The following LMBRD2 variants were observed in gnomAD, a reference collection of about 807,000 sequenced individuals.
LMBRD2 encodes the protein LMBR1 domain containing 2.
LMBRD2 carries 55 observed loss-of-function variants against 94.4 expected under a neutral mutation model. That is an observed-to-expected ratio of 0.58 (90% CI 0.47 to 0.73). LMBRD2 has a LOEUF of 0.73. Ranked by LOEUF, LMBRD2 falls within the 30% of genes least tolerant of loss-of-function variation. LMBRD2 has a pLI of 0.00. For missense variants in LMBRD2, 640 were observed against 831.9 expected, an observed-to-expected ratio of 0.77 and a Z score of 2.84; for synonymous variants, 246 against 272.4, an observed-to-expected ratio of 0.90 and a Z score of 0.95.
intron 4 of LMBRD2, among the ~76,000 whole-genome samples, chr5:36,140,006 G>T (rs548058250): frequency 9.2e-5 from 14 of 152,354 alleles, no homozygotes; most frequent in African/African-American, 3.1e-4. Flanking sequence ...TGTTGCAGGT[G>T]ACGAGAAGAG....
chr5:36,138,578 C>A lies in LMBRD2; in HGVS notation c.369-1137G>T, dbSNP rs145292501. Among the ~76,000 whole-genome samples the A allele has an allele frequency of 2.3e-3, 356 of 152,226 alleles. 3 individuals carry two copies. The highest frequency in any genetic ancestry group is 8.1e-3 in the African/African-American group (338 of 41,552). On this transcript the variant is annotated intron_variant, in intron 4 of 17. Coordinates refer to ENST00000296603, the MANE Select transcript of LMBRD2 (RefSeq NM_001007527.2). Reference sequence around the variant, plus strand: ...GGATGACTACACAGGGAAGCGTGAGCGAGGCTTCTGGGGGCATTGCTAATG... The same window carrying A: ...GGATGACTACACAGGGAAGCGTGAGAGAGGCTTCTGGGGGCATTGCTAATG...
rs767799620 is a variant in LMBRD2 at position 36,115,053 on chromosome 5, T to C, written c.1504A>G (p.Ile502Val). Residue 502 changes from isoleucine to valine, a missense_variant, in exon 12 of 18, where the codon ATC becomes GTC. This residue lies in a region of LMBRD2 where 457 missense variants were observed against 642.8 expected (regional missense o/e 0.71). Transcript: ENST00000296603. ...FLGLTHMDSS[I>V]SHKNTQPTAY... is the part of the protein sequence containing the mutation. ...GTTGGTTGAGTATTCTTGTGAGAGA[T>C]AGATGAATCCATATGGGTCAAACCC... 2.0e-5 allele frequency: 33 copies of C among 1,611,744 alleles called. No individual in the cohort carries two copies. Among genetic ancestry groups the C allele is most frequent in the East Asian group, 4.5e-5 (2 of 44,740 alleles).
intron 6 of LMBRD2, among the ~76,000 whole-genome samples, chr5:36,127,900 A>C (rs1196668298): frequency 6.6e-6 from 1 of 152,172 alleles, no homozygotes; most frequent in Non-Finnish European, 1.5e-5. Flanking sequence ...CAGGGCCTTG[A>C]GCAAACATAG....
intron 1 of LMBRD2, among the ~76,000 whole-genome samples, chr5:36,148,853 G>A (rs1370634928): frequency 6.6e-6 from 1 of 152,130 alleles, no homozygotes; most frequent in Non-Finnish European, 1.5e-5. Context: ...ATTTTGTTCA[G>A]TCTTCACAGG....
chr5:36,149,592 G>A (rs781149363), intron 1 of LMBRD2, among the ~76,000 whole-genome samples: 9 of 152,204 alleles, frequency 5.9e-5, no homozygotes, highest in Non-Finnish European at 8.8e-5. Flanking sequence ...AAAGAAGGGT[G>A]GACCGTCTTC....
intron 16 of LMBRD2, among the ~76,000 whole-genome samples, chr5:36,107,750 A>T (rs188383356): frequency 6.6e-6 from 1 of 152,274 alleles, no homozygotes; most frequent in African/African-American, 2.4e-5. Context: ...AGTCTTCTCC[A>T]TGTTTCTATT....
intron 6 of LMBRD2, among the ~76,000 whole-genome samples, chr5:36,128,997 T>C (rs975410786): frequency 1.3e-4 from 20 of 152,288 alleles, no homozygotes; most frequent in Non-Finnish European, 4.4e-5. Flanking sequence ...GAAATGATCA[T>C]GCAGAAGAAA....
In LMBRD2 at chr5:36,100,866, A is replaced by T. The variant is rs542797151; in HGVS notation, c.*3180T>A. 4.6e-5 allele frequency: 7 copies of T among 152,180 alleles called. No individual in the cohort carries two copies. The South Asian group carries it at 1.4e-3, about 32-fold the overall frequency. The allele number at this position is 152,180 out of a possible 1,614,324, so 9.4% of individuals were successfully genotyped here. Reference sequence around the variant, plus strand: ...AGAATGAGGTTTGTAACTGAATGTAAATTAAATTGCTCCATTAATATGCTA... The same window carrying T: ...AGAATGAGGTTTGTAACTGAATGTATATTAAATTGCTCCATTAATATGCTA... On this transcript the variant is annotated 3_prime_UTR_variant, in exon 18 of 18. Coordinates refer to ENST00000296603, the MANE Select transcript of LMBRD2 (RefSeq NM_001007527.2).
chr5:36,117,732 G>T lies in LMBRD2; in HGVS notation c.1302+3C>A. Reference sequence around the variant, plus strand: ...ATTTATGACAGACATAAAATAAACTGACCTCGATATAAATATAATTATATG... The same window carrying T: ...ATTTATGACAGACATAAAATAAACTTACCTCGATATAAATATAATTATATG... On this transcript the variant is annotated splice_donor_region_variant and intron_variant, in intron 10 of 17. Transcript: ENST00000296603. 6.3e-7 allele frequency: 1 copy of T among 1,586,910 alleles called. No homozygotes were observed. Among genetic ancestry groups the T allele is most frequent in the South Asian group, 1.1e-5 (1 of 87,550 alleles).
At chr5:36,135,633 C>G (rs975119051) in intron 6 of LMBRD2, among the ~76,000 whole-genome samples, 1 of 152,126 alleles carries the variant, frequency 6.6e-6, no homozygotes, top group African/African-American at 2.4e-5. Flanking sequence ...AGAGTATCAT[C>G]AGCTGAGTAG....
intron 13 of LMBRD2, among the ~76,000 whole-genome samples, chr5:36,113,804 A>G (rs962367465): frequency 2.6e-5 from 4 of 152,308 alleles, no homozygotes; most frequent in African/African-American, 9.6e-5. Flanking sequence ...TGTAAAAAGA[A>G]GGAAAGACAG....
At chr5:36,139,290 T>C (rs1744346356) in intron 4 of LMBRD2, among the ~76,000 whole-genome samples, 1 of 152,190 alleles carries the variant, frequency 6.6e-6, no homozygotes, top group Admixed American at 6.5e-5. Flanking sequence ...CTCAGCCCAC[T>C]CTGGACTTTG....
intron 14 of LMBRD2, 26 bp downstream of exon 14, chr5:36,111,129 C>T: frequency 1.5e-6 from 2 of 1,371,424 alleles, no homozygotes; most frequent in Non-Finnish European, 2.1e-6. Context: ...ATTTTCCCTT[C>T]ATTTATTTTA....
rs775801702 is a variant in LMBRD2 at position 36,141,125 on chromosome 5, G to A, written c.350C>T (p.Thr117Met). Residue 117 changes from threonine (T) to methionine (M), a missense_variant, in exon 4 of 18, where the codon ACG becomes ATG. Around this residue, in one of 2 missense-constraint regions of LMBRD2, gnomAD observed 457 missense variants for 642.8 expected, o/e 0.71. Coordinates refer to ENST00000296603, the MANE Select transcript of LMBRD2 (RefSeq NM_001007527.2). ...MPIFWRVVYW[T>M]SQFLTWILLP... is the part of the protein sequence containing the mutation. ...AACTTACCATGTTAAAAATTGTGAC[G>A]TCCAATACACTACCCTCCAGAAAAT... is the stretch of plus-strand genomic sequence containing the variant. 17 of 1,598,620 alleles carry A rather than the reference G, an allele frequency of 1.1e-5. No homozygotes were observed. The East Asian group carries it at 1.1e-4, about 11-fold the overall frequency.
At chr5:36,149,716 G>A (rs1744643351) in intron 1 of LMBRD2, among the ~76,000 whole-genome samples, 1 of 152,208 alleles carries the variant, frequency 6.6e-6, no homozygotes, top group Non-Finnish European at 1.5e-5. Context: ...AGACCAGCCT[G>A]ACCAACATGC....
At position 36,151,298 on chromosome 5, in the gene LMBRD2, T is replaced by C. The variant is rs1744703061; in HGVS notation, c.-58+258A>G. Among the ~76,000 whole-genome samples, 1 of 152,212 alleles carries C rather than the reference T, an allele frequency of 6.6e-6. No homozygotes were observed. Among genetic ancestry groups the C allele is most frequent in the African/African-American group, 2.4e-5 (1 of 41,466 alleles). On this transcript the variant is annotated intron_variant, in intron 1 of 17. Transcript: ENST00000296603. The surrounding 1 kb of genome is among the most constrained non-coding windows in gnomAD (Gnocchi z 4.7). ...CTTTCATTTATTCCCATGTTGCTAT[T>C]TATGAGACCTGTCAAGGCTGCAAGG... is the stretch of plus-strand genomic sequence containing the variant.
At chr5:36,128,135 A>G (rs1053414625) in intron 6 of LMBRD2, among the ~76,000 whole-genome samples, 2 of 152,200 alleles carry the variant, frequency 1.3e-5, no homozygotes, top group East Asian at 1.9e-4. Context: ...GAATTCTTCC[A>G]GATCTTATCC....
chr5:36,099,981 A>G lies in LMBRD2; in HGVS notation c.*4065T>C, dbSNP rs2111827833. On this transcript the variant is annotated 3_prime_UTR_variant, in exon 18 of 18. Coordinates refer to ENST00000296603, the MANE Select transcript of LMBRD2 (RefSeq NM_001007527.2). ...TGCCCTACTGGAGGAAATTGCTCCT[A>G]GGGCCTTGTCTCCAGGAGTTGGGAA... 6.6e-6 allele frequency: 1 copy of G among 152,224 alleles called. No individual in the cohort carries two copies. The highest frequency in any genetic ancestry group is 1.9e-4 in the East Asian group (1 of 5,168). The allele number at this position is 152,224 out of a possible 1,614,324, so 9.4% of individuals were successfully genotyped here.
chr5:36,125,919 C>A (rs976351220), intron 6 of LMBRD2, among the ~76,000 whole-genome samples: 10 of 152,108 alleles, frequency 6.6e-5, no homozygotes, highest in African/African-American at 2.4e-4. Flanking sequence ...GGCAAAGAGA[C>A]AGGGACAGGA....
Sources: allele counts gnomAD v4.1 joint callset (sites outside exome capture counted in the v4.1 genomes callset), GRCh38; gene constraint gnomAD v4.1.1; regional missense constraint gnomAD v4.1.1; non-coding constraint Gnocchi (gnomAD v3.1); transcripts MANE v1.5; gene names NCBI Gene and HGNC (gene_info 2026-07-23, HGNC 2026-07-21).